CD24: variants seen among roughly 807,000 people sequenced by gnomAD.
The protein encoded by CD24 is signal transducer CD24.
In CD24, 2 loss-of-function variants were observed where a neutral mutation model predicts 3.6. That is an observed-to-expected ratio of 0.56 (90% CI 0.23 to 1.77). The LOEUF is 1.77. Ranked by LOEUF, CD24 falls within the 40% of genes most tolerant of loss-of-function variation. The probability of loss-of-function intolerance (pLI) is 0.18; values close to 1 mark genes in which losing one functional copy is unlikely to be tolerated. For missense variants in CD24, 62 were observed against 93.6 expected (o/e 0.66, Z 1.39); for synonymous variants, 33 against 44.9 (o/e 0.74, Z 1.06).
At position 106,971,825 on chromosome 6, in the gene CD24, T is replaced by C; in HGVS notation, c.79A>G (p.Ser27Gly). Reference sequence around the variant, plus strand: ...CTTGAAGTTCCAGTTGTTGTTTCACTGGAATAAATCTAAAATACATAAAAA... The same window carrying C: ...CTTGAAGTTCCAGTTGTTGTTTCACCGGAATAAATCTAAAATACATAAAAA... ...ALLLPTQIYS[S>G]ETTTGTSSNS... The change falls in exon 2 of 2, where the codon AGT becomes GGT. Residue 27 changes from serine (S) to glycine (G), a missense_variant. Coordinates refer to ENST00000606017, the MANE Select transcript of CD24 (RefSeq NM_001359084.1). 1 of 1,546,992 alleles carries C rather than the reference T, an allele frequency of 6.5e-7. No homozygotes were observed. The highest frequency in any genetic ancestry group is 1.4e-5 in the African/African-American group (1 of 73,066).
At chr6:106,976,504 G>A (rs1773109807), upstream of CD24, among the ~76,000 whole-genome samples, 1 of 152,140 alleles carries the variant, frequency 6.6e-6, no homozygotes, top group Admixed American at 6.5e-5. Context: ...AAGAATTTCT[G>A]TCGAGCACCA....
chr6:106,973,729 G>C (rs1187341867), intron 1 of CD24: 1 of 398,462 alleles, frequency 2.5e-6, no homozygotes, highest in African/African-American at 2.1e-5. Flanking sequence ...TCTCTCGCCG[G>C]CGCGGTGCAT....
intron 1 of CD24, chr6:106,974,176 A>G (rs962107307): frequency 0.53 from 194,250 of 367,936 alleles, 52,284 homozygotes; most frequent in African/African-American, 0.73. Context: ...TTCCTAGGGG[A>G]AAGCGAGTCC....
Position 106,970,582 on chromosome 6 carries a change from C to A in CD24, c.*1079G>T, listed in dbSNP as rs1270066763. On this transcript the variant is annotated 3_prime_UTR_variant, in exon 2 of 2. Coordinates refer to ENST00000606017, the MANE Select transcript of CD24 (RefSeq NM_001359084.1). Reference sequence around the variant, plus strand: ...ATCCCAGCACTTTGGGAGGCCGAGGCGGGTGGATCACCTGAGGTCAGGAGT... The same window carrying A: ...ATCCCAGCACTTTGGGAGGCCGAGGAGGGTGGATCACCTGAGGTCAGGAGT... 1 of 152,146 alleles carries A rather than the reference C, an allele frequency of 6.6e-6. No homozygotes were observed. Among genetic ancestry groups the A allele is most frequent in the Non-Finnish European group, 1.5e-5 (1 of 68,042 alleles). The allele number at this position is 152,146 out of a possible 1,614,324, so 9.4% of individuals were successfully genotyped here. A position where few individuals can be genotyped will look rare whatever the true frequency, so the allele number is the denominator to read the frequency against.
upstream of CD24, chr6:106,974,832 C>T (rs1435485127): frequency 2.5e-6 from 1 of 405,310 alleles, no homozygotes; most frequent in South Asian, 4.6e-5. Flanking sequence ...CGCCGCCCGC[C>T]GCCTCCCCGC....
At position 106,970,653 on chromosome 6, in the gene CD24, A is replaced by G. The variant is rs1772948616; in HGVS notation, c.*1008T>C. 6.6e-6 allele frequency: 1 copy of G among 152,120 alleles called. No homozygotes were observed. The highest frequency in any genetic ancestry group is 1.5e-5 in the Non-Finnish European group (1 of 68,026). The allele number at this position is 152,120 out of a possible 1,614,324, so 9.4% of individuals were successfully genotyped here. A position where few individuals can be genotyped will look rare whatever the true frequency, so the allele number is the denominator to read the frequency against. On this transcript the variant is annotated 3_prime_UTR_variant, in exon 2 of 2. Coordinates refer to ENST00000606017, the MANE Select transcript of CD24 (RefSeq NM_001359084.1). ...ATGGTGAAACCCTGTCTCTACTAAA[A>G]TTACAAAAATTAGCCGGGCATGGTG...
chr6:106,971,042 G>A lies in CD24; in HGVS notation c.*619C>T, dbSNP rs1403382833. 6.6e-6 allele frequency: 1 copy of A among 152,454 alleles called. No individual in the cohort carries two copies. Among genetic ancestry groups the A allele is most frequent in the Non-Finnish European group, 1.5e-5 (1 of 68,290 alleles). 9.4% of individuals were successfully genotyped at this position (152,454 alleles called of 1,614,324 possible). Reference sequence around the variant, plus strand: ...GCACATGTCAATTACTACATAAAAGGTCAAATGCAATGTCAAATCCAAAGC... The same window carrying A: ...GCACATGTCAATTACTACATAAAAGATCAAATGCAATGTCAAATCCAAAGC... On this transcript the variant is annotated 3_prime_UTR_variant, in exon 2 of 2. Transcript: ENST00000606017.
intron 1 of CD24, chr6:106,973,469 C>A (rs1773022591): frequency 2.5e-6 from 1 of 394,466 alleles, no homozygotes; most frequent in East Asian, 3.6e-5. Flanking sequence ...ACGGTTACCC[C>A]GCCAGCGGTG....
rs1772974162 is a variant in CD24, at chr6:106,971,606, T to C, written c.*55A>G. On this transcript the variant is annotated 3_prime_UTR_variant, in exon 2 of 2. Coordinates refer to ENST00000606017, the MANE Select transcript of CD24 (RefSeq NM_001359084.1). ...CCACATTGGACTTCCAGACGCCATT[T>C]GGATTGGGTTTAGAAGATGGGGAAA... 3.4e-6 allele frequency: 5 copies of C among 1,469,684 alleles called. No individual in the cohort carries two copies. The highest frequency in any genetic ancestry group is 2.5e-5 in the East Asian group (1 of 40,288). 91.0% of individuals were successfully genotyped at this position (1,469,684 alleles called of 1,614,324 possible).
At chr6:106,974,157 G>A (rs1255183108) in intron 1 of CD24, 1 of 380,446 alleles carries the variant, frequency 2.6e-6, no homozygotes, top group East Asian at 3.8e-5. Context: ...CGCGGGGAGC[G>A]CGAAGACATT....
At chr6:106,975,698 C>T (rs1185668678), upstream of CD24, 2 of 152,286 alleles carry the variant, frequency 1.3e-5, no homozygotes, top group African/African-American at 4.8e-5. Context: ...GAGGGGACCC[C>T]CTCCGCGGCC....
Position 106,970,739 on chromosome 6 carries a change from G to A in CD24, c.*922C>T, listed in dbSNP as rs1484338875. ...AGGCAGGAGAATCGCTTGAGCCCGG[G>A]AGGCAAATGGTACACTGATCTGAGA... On this transcript the variant is annotated 3_prime_UTR_variant, in exon 2 of 2. Coordinates refer to ENST00000606017, the MANE Select transcript of CD24 (RefSeq NM_001359084.1). 3 of 152,180 alleles carry A rather than the reference G, an allele frequency of 2.0e-5. No individual in the cohort carries two copies. Among genetic ancestry groups the A allele is most frequent in the Non-Finnish European group, 4.4e-5 (3 of 68,040 alleles). 9.4% of individuals were successfully genotyped at this position (152,180 alleles called of 1,614,324 possible).
At position 106,974,560 on chromosome 6, in the gene CD24, C is replaced by T. The variant is rs1462963098; in HGVS notation, c.69+18G>A. ...CCCGGGAACGGCCCTCGAGCCCCGC[C>T]GGGCGCCAGGGCCTCACCTGCGTGG... On this transcript the variant is annotated intron_variant, in intron 1 of 1. Transcript: ENST00000606017. 8.5e-6 allele frequency: 12 copies of T among 1,410,678 alleles called. No individual in the cohort carries two copies. The highest frequency in any genetic ancestry group is 1.0e-5 in the Non-Finnish European group (11 of 1,081,394). 87.4% of individuals were successfully genotyped at this position (1,410,678 alleles called of 1,614,324 possible).
intron 1 of CD24, among the ~76,000 whole-genome samples, chr6:106,972,542 G>A (rs1431289838): frequency 6.6e-6 from 1 of 152,210 alleles, no homozygotes; most frequent in Non-Finnish European, 1.5e-5. Flanking sequence ...ATGGTGTTAA[G>A]TTTCACCAGC....
intron 1 of CD24, among the ~76,000 whole-genome samples, chr6:106,974,354 C>T (rs1773050809): frequency 6.6e-6 from 1 of 152,182 alleles, no homozygotes; most frequent in Admixed American, 6.5e-5. Context: ...GCACGCGGAG[C>T]TGCATTGTTC....
Position 106,971,734 on chromosome 6 carries a change from G to A in CD24, c.170C>T (p.Ala57Val), listed in dbSNP as rs878859113. 0.33 allele frequency: 503,608 copies of A among 1,546,962 alleles called. 83,576 individuals are homozygous for A. Among genetic ancestry groups the A allele is most frequent in the African/African-American group, 0.38 (28,068 of 72,922 alleles). ...TGTTGACTGCAGGGCACCACCAGCC[G>A]CCTTGGTGGTGGCATTAGTTGGATT... The part of the protein sequence containing the change: ...APNPTNATTK[A>V]AGGALQSTAS... Residue 57 changes from alanine (A) to valine (V), a missense_variant, in exon 2 of 2, where the codon GCG becomes GTG. By Grantham distance (64) the Ala-to-Val change is moderately conservative. Coordinates refer to ENST00000606017, the MANE Select transcript of CD24 (RefSeq NM_001359084.1).
At chr6:106,974,505 C>T (rs1773055826) in intron 1 of CD24, 73 bp downstream of exon 1, 1 of 878,956 alleles carries the variant, frequency 1.1e-6, no homozygotes, top group African/African-American at 1.8e-5. Flanking sequence ...GACGGTCCCC[C>T]GGGACCGGGT....
At chr6:106,973,921 T>C (rs1773036989) in intron 1 of CD24, 1 of 398,282 alleles carries the variant, frequency 2.5e-6, no homozygotes, top group Non-Finnish European at 4.4e-6. Context: ...TGGGCTAAAA[T>C]AACATGGGGA....
chr6:106,974,764 C>T (rs1773065212), upstream of CD24: 1 of 1,071,414 alleles, frequency 9.3e-7, no homozygotes, highest in South Asian at 1.6e-5. Flanking sequence ...CCTTATATAC[C>T]AGGAAAGCCA....
Sources: allele counts gnomAD v4.1 joint callset (sites outside exome capture counted in the v4.1 genomes callset), GRCh38; gene constraint gnomAD v4.1.1; transcripts MANE v1.5; gene names NCBI Gene and HGNC (gene_info 2026-07-23, HGNC 2026-07-21).